INTS2: variants seen among roughly 807,000 people sequenced by gnomAD.
INTS2 encodes the protein KIAA1287.
INTS2 carries 57 observed loss-of-function variants against 139.6 expected under a neutral mutation model. That is an observed-to-expected ratio of 0.41 (90% CI 0.33 to 0.51). The LOEUF (loss-of-function observed/expected upper bound fraction) is 0.51. INTS2 is among the 20% of genes least tolerant of loss of function. INTS2 has a pLI of 0.28. For missense variants in INTS2, 1,196 were observed against 1,436.7 expected, an observed-to-expected ratio of 0.83 and a Z score of 2.71; for synonymous variants, 473 against 493.4, an observed-to-expected ratio of 0.96 and a Z score of 0.55.
intron 16 of INTS2, among the ~76,000 whole-genome samples, chr17:61,881,644 G>C (rs2079179606): frequency 6.6e-6 from 1 of 152,126 alleles, no homozygotes; most frequent in Non-Finnish European, 1.5e-5. Flanking sequence ...ATAAGCTTGG[G>C]AAGCTTGTTT....
At chr17:61,888,061 A>AG (rs1286618428) in intron 15 of INTS2, among the ~76,000 whole-genome samples, 1 of 151,648 alleles carries the variant, frequency 6.6e-6, no homozygotes, top group African/African-American at 2.4e-5. Context: ...CAAAAAAAAA[A>AG]GAAAAACAAA....
At position 61,897,737 on chromosome 17, in the gene INTS2, G is replaced by A; in HGVS notation, c.1310C>T (p.Thr437Ile). The A allele has an allele frequency of 2.5e-6, 4 of 1,597,968 alleles. No homozygotes were observed. Among genetic ancestry groups the A allele is most frequent in the Non-Finnish European group, 3.4e-6 (4 of 1,169,356 alleles). The change falls in exon 10 of 25, where the codon ACA (threonine) becomes ATA (isoleucine). Residue 437 changes from threonine to isoleucine, a missense_variant and splice_region_variant. Thr to Ile is a moderately conservative substitution (Grantham distance 89). Coordinates refer to ENST00000251334, the MANE Select transcript of INTS2 (RefSeq NM_001351695.2). This position sits in a 1 kb window ranked among gnomAD's most constrained non-coding sequence, Gnocchi z 4.4. ...CACCATCAGCTGCTCCTGTTCAGGT[G>A]TACTATATAAAATATACCAGAATGT... ...MLLAFSTLVS[T>I]PEQEQLMVVW...
At chr17:61,884,844 A>C (rs1326605685) in intron 16 of INTS2, 57 bp downstream of exon 16, 2 of 1,076,398 alleles carry the variant, frequency 1.9e-6, no homozygotes, top group African/African-American at 3.2e-5. Context: ...ATAACATTAT[A>C]AACAGAAAGG....
chr17:61,896,639 G>T (rs957623741), intron 11 of INTS2, among the ~76,000 whole-genome samples: 3 of 152,000 alleles, frequency 2.0e-5, no homozygotes, highest in Non-Finnish European at 2.9e-5. Flanking sequence ...TTTCACAAAA[G>T]AAATAAACAA....
chr17:61,926,651 T>C lies in INTS2; in HGVS notation c.-7A>G. On this transcript the variant is annotated 5_prime_UTR_variant, in exon 2 of 25. Coordinates refer to ENST00000251334, the MANE Select transcript of INTS2 (RefSeq NM_001351695.2). ...GACTTGTACATTCAGTCATTATTAC[T>C]GTTTGTTGATCCTAATGGTAAAAAT... The C allele has an allele frequency of 5.0e-6, 8 of 1,602,140 alleles. No individual in the cohort carries two copies. Among genetic ancestry groups the C allele is most frequent in the Admixed American group, 1.7e-5 (1 of 57,756 alleles).
Position 61,884,099 on chromosome 17 carries a change from T to C in INTS2, c.2089+802A>G, listed in dbSNP as rs567741488. Among the ~76,000 whole-genome samples the C allele has an allele frequency of 3.9e-5, 6 of 152,158 alleles. No homozygotes were observed. The South Asian group carries it at 1.2e-3, about 32-fold the overall frequency. ...TAGTAAAAATATTACAATATATCCA[T>C]ACTATGGATCATAAAACAATCAGAA... On this transcript the variant is annotated intron_variant, in intron 16 of 24. Coordinates refer to ENST00000251334, the MANE Select transcript of INTS2 (RefSeq NM_001351695.2).
chr17:61,920,059 T>C (rs1432267935), intron 4 of INTS2, among the ~76,000 whole-genome samples: 1 of 151,970 alleles, frequency 6.6e-6, no homozygotes, highest in African/African-American at 2.4e-5. Flanking sequence ...TCAATCACAC[T>C]AGCCACATTT....
rs754126021 is a variant in INTS2, at chr17:61,869,022, T to C, written c.3244+12A>G. ...TATGTCAGATGTTTGTTGATGTTGA[T>C]TGGCTACATACCTGTTAACAAAGTT... On this transcript the variant is annotated intron_variant, in intron 23 of 24. Coordinates refer to ENST00000251334, the MANE Select transcript of INTS2 (RefSeq NM_001351695.2). This position sits in a 1 kb window ranked among gnomAD's most constrained non-coding sequence, Gnocchi z 5.4. 2.7e-6 allele frequency: 4 copies of C among 1,458,724 alleles called. No homozygotes were observed. The highest frequency in any genetic ancestry group is 4.5e-5 in the East Asian group (2 of 44,096). 90.4% of individuals were successfully genotyped at this position (1,458,724 alleles called of 1,614,324 possible).
At position 61,922,531 on chromosome 17, in the gene INTS2, TATATATATATATATAC is replaced by T. The variant is rs1464054700; in HGVS notation, c.433-720_433-705del. On this transcript the variant is annotated intron_variant, in intron 3 of 24. Transcript: ENST00000251334. ...ACAAACATATATATATATATATATATATATATATATATATACGTGTTCAATTCTGAATAAACTGTTG... is the reference window on the plus strand; with the variant it reads ...ACAAACATATATATATATATATATATGTGTTCAATTCTGAATAAACTGTTG... Among the ~76,000 whole-genome samples the T allele has an allele frequency of 2.0e-3, 227 of 115,686 alleles. 2 individuals carry two copies. Among genetic ancestry groups the T allele is most frequent in the Non-Finnish European group, 2.9e-3 (184 of 62,382 alleles). 75.9% of individuals were successfully genotyped at this position (115,686 alleles called of 152,430 possible).
chr17:61,905,743 G>A (rs1331534736), intron 8 of INTS2, among the ~76,000 whole-genome samples: 1 of 151,916 alleles, frequency 6.6e-6, no homozygotes, highest in African/African-American at 2.4e-5. Flanking sequence ...TATTGCCCAG[G>A]CCGGACTGCA....
chr17:61,921,058 T>G (rs1337274267), intron 4 of INTS2, among the ~76,000 whole-genome samples: 2 of 152,234 alleles, frequency 1.3e-5, no homozygotes, highest in African/African-American at 4.8e-5. Context: ...GTGCTGGGAT[T>G]ACAGGCATGA....
rs77716797 is a variant in INTS2 at position 61,866,358 on chromosome 17, G to C, written c.*1199C>G. The stretch of plus-strand genomic sequence containing the variant: ...GGCAACAGGGGAAGACTCCACCTCA[G>C]GAAAAAAAAAAAAAAAACACAAGTG... On this transcript the variant is annotated 3_prime_UTR_variant, in exon 25 of 25. Transcript: ENST00000251334. The C allele has an allele frequency of 6.9e-6, 1 of 145,450 alleles. No individual in the cohort carries two copies. Among genetic ancestry groups the C allele is most frequent in the African/African-American group, 2.6e-5 (1 of 38,938 alleles). 9.0% of individuals were successfully genotyped at this position (145,450 alleles called of 1,614,324 possible). A position where few individuals can be genotyped will look rare whatever the true frequency, so the allele number is the denominator to read the frequency against.
At position 61,927,659 on chromosome 17, in the gene INTS2, G is replaced by C; in HGVS notation, c.-24C>G. The C allele has an allele frequency of 7.1e-7, 1 of 1,402,224 alleles. No homozygotes were observed. The highest frequency in any genetic ancestry group is 9.3e-7 in the Non-Finnish European group (1 of 1,080,070). 86.9% of individuals were successfully genotyped at this position (1,402,224 alleles called of 1,614,324 possible). On this transcript the variant is annotated 5_prime_UTR_variant, in exon 1 of 25. It adds an upstream start codon to the 5' untranslated region. Transcript: ENST00000251334. The stretch of plus-strand genomic sequence containing the variant: ...GAGAAGCGGACGCTTCATACCTTAA[G>C]ATCTACCCTCCAGCCTCACGGAACC...
At chr17:61,919,995 G>C (rs1247651165) in intron 4 of INTS2, among the ~76,000 whole-genome samples, 1 of 152,034 alleles carries the variant, frequency 6.6e-6, no homozygotes, top group Non-Finnish European at 1.5e-5. Context: ...AAGCTGTCCA[G>C]TAGGATACCC....
In INTS2 at chr17:61,907,722, A is replaced by G. The variant is rs145695832; in HGVS notation, c.955-88T>C. On this transcript the variant is annotated intron_variant, in intron 7 of 24. Transcript: ENST00000251334. ...CTAAAACATAGCACCCCACTTAAAC[A>G]CTTTCAAATTGGCCTATTTGAAGAG... 8.2e-4 allele frequency: 822 copies of G among 1,001,630 alleles called. 3 individuals carry two copies. Among genetic ancestry groups the G allele is most frequent in the Middle Eastern group, 6.4e-3 (20 of 3,108 alleles). 62.0% of individuals were successfully genotyped at this position (1,001,630 alleles called of 1,614,324 possible).
chr17:61,912,275 CAG>C (rs1209640320), intron 5 of INTS2, among the ~76,000 whole-genome samples: 2 of 150,808 alleles, frequency 1.3e-5, no homozygotes, highest in African/African-American at 4.9e-5. Context: ...ATTACGGTCC[CAG>C]AGAGACAAAG....
In INTS2 at chr17:61,912,089, T is replaced by C; in HGVS notation, c.650-19A>G. 6.2e-7 allele frequency: 1 copy of C among 1,609,222 alleles called. No homozygotes were observed. Among genetic ancestry groups the C allele is most frequent in the East Asian group, 2.2e-5 (1 of 44,822 alleles). ...CTACAAACTAACATGATAGAAACCA[T>C]CTTCTTCAGCCTTCAGAATTAATTG... is the stretch of plus-strand genomic sequence containing the variant. On this transcript the variant is annotated intron_variant, in intron 5 of 24. Coordinates refer to ENST00000251334, the MANE Select transcript of INTS2 (RefSeq NM_001351695.2).
At position 61,911,631 on chromosome 17, in the gene INTS2, T is replaced by C; in HGVS notation, c.843A>G (p.Glu281=). 6.2e-7 allele frequency: 1 copy of C among 1,613,900 alleles called. No individual in the cohort carries two copies. Among genetic ancestry groups the C allele is most frequent in the South Asian group, 1.1e-5 (1 of 91,050 alleles). Reference sequence around the variant, plus strand: ...AGTCACTCACTCCATCCTCACAAGCTTCATTTTTAGTATGATCCAATGTCA... The same window carrying C: ...AGTCACTCACTCCATCCTCACAAGCCTCATTTTTAGTATGATCCAATGTCA... The part of the protein sequence containing the change: ...VALTLDHTKN[E]ACEDGVSDLV... The change falls in exon 7 of 25, where the codon GAA becomes GAG. Residue 281 remains glutamate (E), a synonymous_variant. Transcript: ENST00000251334.
chr17:61,867,136 C>T lies in INTS2; in HGVS notation c.*421G>A, dbSNP rs1029419587. 1 of 152,644 alleles carries T rather than the reference C, an allele frequency of 6.6e-6. No homozygotes were observed. The highest frequency in any genetic ancestry group is 1.5e-5 in the Non-Finnish European group (1 of 68,436). 9.5% of individuals were successfully genotyped at this position (152,644 alleles called of 1,614,324 possible). Reference sequence around the variant, plus strand: ...CTTTCCCTTTACCCTTTTTTCCTCTCCCATCTTTGCATCTTTGTCACATTC... The same window carrying T: ...CTTTCCCTTTACCCTTTTTTCCTCTTCCATCTTTGCATCTTTGTCACATTC... On this transcript the variant is annotated 3_prime_UTR_variant, in exon 25 of 25. Transcript: ENST00000251334. The surrounding 1 kb of genome is among the most constrained non-coding windows in gnomAD (Gnocchi z 5.6).
Sources: allele counts gnomAD v4.1 joint callset (sites outside exome capture counted in the v4.1 genomes callset), GRCh38; gene constraint gnomAD v4.1.1; non-coding constraint Gnocchi (gnomAD v3.1); transcripts MANE v1.5; gene names NCBI Gene and HGNC (gene_info 2026-07-23, HGNC 2026-07-21).